The following RSAD2 variants were observed in gnomAD, a reference collection of about 807,000 sequenced individuals.
RSAD2 encodes radical S-adenosyl methionine domain containing 2.
Under a neutral mutation model 37.7 loss-of-function variants are expected in RSAD2, and 38 were observed. The observed-to-expected ratio is 1.01, with a 90% CI of 0.78 to 1.32. The LOEUF is 1.32. Ranked by LOEUF, RSAD2 falls within the 40% of genes most tolerant of loss-of-function variation. The pLI is 0.00. For synonymous variants in RSAD2, 163 were observed against 157.4 expected, an observed-to-expected ratio of 1.04 and a Z score of -0.27; for missense variants, 428 against 437.5, an observed-to-expected ratio of 0.98 and a Z score of 0.19.
rs149016643 is a variant in RSAD2, at chr2:6,878,168, GA to G, written c.346+25del. The G allele has an allele frequency of 1.4e-3, 2,216 of 1,591,550 alleles. 22 individuals carry two copies. In the African/African-American group the frequency reaches 0.026, roughly 19 times the overall value. ...GCTGGTGAGTACATGGTCCTAGACAGAAATCAGGATTCTCAACCACTGGGCA... is the reference window on the plus strand; with the variant it reads ...GCTGGTGAGTACATGGTCCTAGACAGAATCAGGATTCTCAACCACTGGGCA... On this transcript the variant is annotated intron_variant, in intron 1 of 5. Coordinates refer to ENST00000382040, the MANE Select transcript of RSAD2 (RefSeq NM_080657.5).
At chr2:6,884,034 G>T (rs1425172318) in intron 2 of RSAD2, among the ~76,000 whole-genome samples, 1 of 152,222 alleles carries the variant, frequency 6.6e-6, no homozygotes. Flanking sequence ...GTTTTCTGCA[G>T]GTGTCATGTC....
intron 1 of RSAD2, chr2:6,866,331 G>C (rs2103232190): frequency 1.5e-6 from 1 of 655,650 alleles, no homozygotes; most frequent in South Asian, 6.5e-5. Flanking sequence ...TTTCCTGCGG[G>C]AACAGGGCGC....
chr2:6,882,447 A>G (rs111403476), intron 1 of RSAD2, among the ~76,000 whole-genome samples: 1 of 474 alleles, frequency 2.1e-3, no homozygotes, highest in Admixed American at 0.033. Flanking sequence ...TAAAGTCTTA[A>G]CCAAAATGAG....
In RSAD2 at chr2:6,890,165, T is replaced by C. The variant is rs1558337763; in HGVS notation, c.739-11T>C. 1 of 1,613,610 alleles carries C rather than the reference T, an allele frequency of 6.2e-7. No homozygotes were observed. The highest frequency in any genetic ancestry group is 8.5e-7 in the Non-Finnish European group (1 of 1,179,630). ...GCTCTCTGCAAAGCAAACACTACCATTGCCTTTCAGGTGTTCCAGTGCCTC... is the reference window on the plus strand; with the variant it reads ...GCTCTCTGCAAAGCAAACACTACCACTGCCTTTCAGGTGTTCCAGTGCCTC... On this transcript the variant is annotated splice_polypyrimidine_tract_variant and intron_variant, in intron 3 of 5. Coordinates refer to ENST00000382040, the MANE Select transcript of RSAD2 (RefSeq NM_080657.5).
At chr2:6,879,462 T>C (rs1309594010) in intron 1 of RSAD2, among the ~76,000 whole-genome samples, 1 of 152,086 alleles carries the variant, frequency 6.6e-6, no homozygotes, top group Non-Finnish European at 1.5e-5. Flanking sequence ...ACACTCATTT[T>C]CTCCAAACAT....
At chr2:6,893,797 C>T in intron 5 of RSAD2, 94 bp downstream of exon 5, 1 of 834,174 alleles carries the variant, frequency 1.2e-6, no homozygotes, top group Non-Finnish European at 2.0e-6. Context: ...TATCTAGTAC[C>T]TATTTGTCCT....
At chr2:6,884,272 C>T (rs1663472354) in intron 2 of RSAD2, among the ~76,000 whole-genome samples, 2 of 152,098 alleles carry the variant, frequency 1.3e-5, no homozygotes, top group African/African-American at 4.8e-5. Flanking sequence ...CGGACATGGA[C>T]TGTGGGGGAG....
intron 1 of RSAD2, among the ~76,000 whole-genome samples, chr2:6,870,740 C>G (rs2595175): frequency 0.96 from 145,959 of 152,204 alleles, 70,256 homozygotes; most frequent in East Asian, 1. Flanking sequence ...CAGGGTTTAG[C>G]AAGGGCTTCT....
At chr2:6,893,202 TTGTAAGTA>T (rs1284645532) in intron 4 of RSAD2, among the ~76,000 whole-genome samples, 1 of 151,682 alleles carries the variant, frequency 6.6e-6, no homozygotes, top group Non-Finnish European at 1.5e-5. Context: ...TCATAACTGT[TTGTAAGTA>T]ATGTTAGGGT....
upstream of RSAD2, among the ~76,000 whole-genome samples, chr2:6,875,877 G>A (rs1299768713): frequency 6.6e-6 from 1 of 152,170 alleles, no homozygotes; most frequent in African/African-American, 2.4e-5. Flanking sequence ...GATTAGGAAG[G>A]TTTTTCCGGT....
At chr2:6,886,082 A>G (rs1013977011) in intron 2 of RSAD2, among the ~76,000 whole-genome samples, 1 of 152,250 alleles carries the variant, frequency 6.6e-6, no homozygotes, top group African/African-American at 2.4e-5. Flanking sequence ...AGTAATTTTA[A>G]GAAAAAGAGT....
intron 1 of RSAD2, among the ~76,000 whole-genome samples, chr2:6,867,435 T>C (rs1363001252): frequency 6.6e-6 from 1 of 152,204 alleles, no homozygotes; most frequent in African/African-American, 2.4e-5. Context: ...ACCAGTCAGA[T>C]TGGGTTAGGG....
In RSAD2 at chr2:6,895,763, T is replaced by A; in HGVS notation, c.922-15T>A. The stretch of plus-strand genomic sequence containing the variant: ...TCACATGGAAATATACCAGTTTCTG[T>A]TATGAATTTTCTAGATGCGCTTTCT... On this transcript the variant is annotated splice_polypyrimidine_tract_variant and intron_variant, in intron 5 of 5. Coordinates refer to ENST00000382040, the MANE Select transcript of RSAD2 (RefSeq NM_080657.5). 1 of 1,607,788 alleles carries A rather than the reference T, an allele frequency of 6.2e-7. No homozygotes were observed. Among genetic ancestry groups the A allele is most frequent in the Non-Finnish European group, 8.5e-7 (1 of 1,176,136 alleles).
upstream of RSAD2, among the ~76,000 whole-genome samples, chr2:6,873,106 C>A (rs1338480388): frequency 6.6e-6 from 1 of 152,106 alleles, no homozygotes; most frequent in South Asian, 2.1e-4. Flanking sequence ...TTTGTCATCT[C>A]CTGTAACTTT....
intron 1 of RSAD2, among the ~76,000 whole-genome samples, chr2:6,872,695 C>G (rs2103236112): frequency 6.6e-6 from 1 of 152,224 alleles, no homozygotes; most frequent in South Asian, 2.1e-4. Flanking sequence ...AAATCATAAG[C>G]TGCATGAAAA....
At chr2:6,892,429 A>G (rs1663652589) in intron 4 of RSAD2, among the ~76,000 whole-genome samples, 1 of 152,144 alleles carries the variant, frequency 6.6e-6, no homozygotes, top group Non-Finnish European at 1.5e-5. Flanking sequence ...ATCAAAGAAA[A>G]TTTGGTTGAG....
At chr2:6,878,555 G>A (rs867371212) in intron 1 of RSAD2, among the ~76,000 whole-genome samples, 1 of 152,182 alleles carries the variant, frequency 6.6e-6, no homozygotes, top group African/African-American at 2.4e-5. Context: ...AATTAGAAAA[G>A]TTGGAAACAA....
At chr2:6,886,798 T>C in intron 2 of RSAD2, 137 bp from the exon 3 acceptor site, 2 of 616,470 alleles carry the variant, frequency 3.2e-6, no homozygotes, top group Non-Finnish European at 5.7e-6. Flanking sequence ...AATTCATATC[T>C]CAATGAGTTT....
intron 3 of RSAD2, 37 bp from the exon 4 acceptor site, chr2:6,890,139 A>C: frequency 6.2e-7 from 1 of 1,604,410 alleles, no homozygotes; most frequent in South Asian, 1.1e-5. Flanking sequence ...CACGATGGAA[A>C]GCTCTCTGCA....
Sources: gnomAD v4.1 joint callset for allele counts (sites outside exome capture counted in the v4.1 genomes callset) on GRCh38, gnomAD v4.1.1 for gene constraint, MANE v1.5 for transcripts, NCBI Gene and HGNC (gene_info 2026-07-23, HGNC 2026-07-21) for gene names.